The following LRP6 variants were observed in gnomAD, a reference collection of about 807,000 sequenced individuals.
The protein encoded by LRP6 is LDL receptor related protein 6, also known as low-density lipoprotein receptor-related protein 6.
In LRP6, 43 loss-of-function variants were observed where a neutral mutation model predicts 184.1. The observed-to-expected ratio is 0.23, with a 90% CI of 0.18 to 0.30. The LOEUF (loss-of-function observed/expected upper bound fraction) is 0.30. Among genes scored for constraint, LRP6 ranks in the 10% least tolerant of loss-of-function variants. LRP6 has a pLI of 1.00. For synonymous variants in LRP6, 719 were observed against 684.9 expected, an observed-to-expected ratio of 1.05 and a Z score of -0.78; for missense variants, 1,571 against 2,005.3, an observed-to-expected ratio of 0.78 and a Z score of 4.14.
At position 12,125,405 on chromosome 12, in the gene LRP6, C is replaced by T; in HGVS notation, c.4340G>A (p.Ser1447Asn). The change falls in exon 21 of 23, where the codon AGC becomes AAC. Residue 1447 changes from serine (S) to asparagine (N), a missense_variant. Physicochemically the swap from Ser to Asn is conservative, Grantham distance 46. This residue lies in a region of LRP6 where 763 missense variants were observed against 859.5 expected (regional missense o/e 0.89). Transcript: ENST00000261349. ...PGMSRGKSMI[S>N]SLSIMGGSSG... ...GCTTCCCCCCATGATACTGAGGGAG[C>T]TGATCATTGATTTACCTCGAGACAT... 2.5e-6 allele frequency: 4 copies of T among 1,613,904 alleles called. No homozygotes were observed. The highest frequency in any genetic ancestry group is 3.4e-6 in the Non-Finnish European group (4 of 1,179,942).
chr12:12,243,876 G>A (rs986960811), intron 2 of LRP6, among the ~76,000 whole-genome samples: 1 of 151,774 alleles, frequency 6.6e-6, no homozygotes, highest in African/African-American at 2.4e-5. Context: ...TCAGCCACCC[G>A]TCTAGCTAGG....
chr12:12,255,566 C>CTTTTTTT lies in LRP6; in HGVS notation c.56-10918_56-10912dup, dbSNP rs749441005. ...TTGTTTTTGCTTTTGGGTTTGGTCA[C>CTTTTTTT]TTTTTTTTTTTTTTTTTTTTTTGAG... On this transcript the variant is annotated intron_variant, in intron 1 of 22. Transcript: ENST00000261349. Among the ~76,000 whole-genome samples the CTTTTTTT allele has an allele frequency of 5.0e-4, 57 of 114,136 alleles. 1 individual carries two copies. Among genetic ancestry groups the CTTTTTTT allele is most frequent in the African/African-American group, 1.8e-3 (52 of 28,250 alleles). The allele number at this position is 114,136 out of a possible 152,430, so 74.9% of individuals were successfully genotyped here.
At chr12:12,225,475 C>T (rs1390046763) in intron 2 of LRP6, among the ~76,000 whole-genome samples, 2 of 152,028 alleles carry the variant, frequency 1.3e-5, no homozygotes, top group African/African-American at 2.4e-5. Context: ...ACCTAAATTG[C>T]GATTGATGAC....
At chr12:12,151,213 C>A (rs777895268) in intron 12 of LRP6, among the ~76,000 whole-genome samples, 175 bp from the exon 13 acceptor site, 16 of 152,166 alleles carry the variant, frequency 1.1e-4, no homozygotes, top group Non-Finnish European at 1.9e-4. Flanking sequence ...CAGAGTAACA[C>A]TAATCAGCTC....
chr12:12,218,596 T>C (rs1864409178), intron 2 of LRP6, among the ~76,000 whole-genome samples: 1 of 151,726 alleles, frequency 6.6e-6, no homozygotes, highest in Non-Finnish European at 1.5e-5. Flanking sequence ...TCAACATCAG[T>C]CAGTAAGGAA....
At chr12:12,216,427 C>T (rs1864345720) in intron 2 of LRP6, among the ~76,000 whole-genome samples, 1 of 151,830 alleles carries the variant, frequency 6.6e-6, no homozygotes, top group Non-Finnish European at 1.5e-5. Flanking sequence ...GGCCTGAAAA[C>T]AATGTAAATA....
At chr12:12,258,624 G>C (rs1288643306) in intron 1 of LRP6, among the ~76,000 whole-genome samples, 1 of 152,200 alleles carries the variant, frequency 6.6e-6, no homozygotes, top group Non-Finnish European at 1.5e-5. Context: ...TCATCAAAGA[G>C]CTATTTCTGC....
chr12:12,251,055 C>T (rs556731316), intron 1 of LRP6, among the ~76,000 whole-genome samples: 8 of 152,118 alleles, frequency 5.3e-5, no homozygotes, highest in African/African-American at 1.4e-4. Context: ...CTCAGCCTCC[C>T]TCGTAGGTGG....
intron 12 of LRP6, among the ~76,000 whole-genome samples, chr12:12,154,318 A>G (rs1306898968): frequency 6.6e-6 from 1 of 152,048 alleles, no homozygotes; most frequent in Non-Finnish European, 1.5e-5. Context: ...CATAAATGTC[A>G]TTTTTTCAGT....
chr12:12,166,363 T>C (rs1240213592), intron 7 of LRP6, among the ~76,000 whole-genome samples: 1 of 152,192 alleles, frequency 6.6e-6, no homozygotes, highest in African/African-American at 2.4e-5. Context: ...AAAGGTCATA[T>C]ACTTAACAGT....
chr12:12,249,690 AG>A lies in LRP6; in HGVS notation c.56-5036del, dbSNP rs1213694307. Among the ~76,000 whole-genome samples the A allele has an allele frequency of 2.7e-4, 20 of 72,844 alleles. 1 individual carries two copies. The South Asian group carries it at 0.015, about 56-fold the overall frequency. 47.8% of individuals were successfully genotyped at this position (72,844 alleles called of 152,430 possible). On this transcript the variant is annotated intron_variant, in intron 1 of 22. Coordinates refer to ENST00000261349, the MANE Select transcript of LRP6 (RefSeq NM_002336.3). ...TATAACAGAAGGAAGGAAGGAAGGA[AG>A]GAAGGAAGGAAGGAAGGAAGGAAGG...
chr12:12,209,816 C>T (rs1591950145), intron 2 of LRP6, among the ~76,000 whole-genome samples: 1 of 152,200 alleles, frequency 6.6e-6, no homozygotes, highest in African/African-American at 2.4e-5. Flanking sequence ...AAAACTATTG[C>T]CCTTACGAAA....
At chr12:12,260,639 C>G (rs554017144) in intron 1 of LRP6, among the ~76,000 whole-genome samples, 8 of 152,212 alleles carry the variant, frequency 5.3e-5, no homozygotes, top group African/African-American at 1.7e-4. Context: ...ACCATTTATT[C>G]AATGTCTACT....
chr12:12,216,414 G>A (rs915261903), intron 2 of LRP6, among the ~76,000 whole-genome samples: 2 of 152,092 alleles, frequency 1.3e-5, no homozygotes, highest in African/African-American at 4.8e-5. Flanking sequence ...TGAAAAATAT[G>A]AGGGCCTGAA....
intron 9 of LRP6, among the ~76,000 whole-genome samples, chr12:12,163,916 G>A (rs910444980): frequency 6.6e-6 from 1 of 152,116 alleles, no homozygotes; most frequent in African/African-American, 2.4e-5. Flanking sequence ...GGCGGATCAC[G>A]AGGTCAAGAG....
rs1565587923 is a variant in LRP6 at position 12,165,311 on chromosome 12, C to T, written c.1546-16G>A. ...TATTCATAACCTTCAGGTTTAAATT[C>T]AAAAGAGAAGGGGATGAATTATGCA... On this transcript the variant is annotated splice_polypyrimidine_tract_variant and intron_variant, in intron 7 of 22. Coordinates refer to ENST00000261349, the MANE Select transcript of LRP6 (RefSeq NM_002336.3). 1 of 1,553,624 alleles carries T rather than the reference C, an allele frequency of 6.4e-7. No homozygotes were observed. Among genetic ancestry groups the T allele is most frequent in the East Asian group, 2.2e-5 (1 of 44,586 alleles).
At chr12:12,177,512 A>G (rs1863222089) in intron 7 of LRP6, among the ~76,000 whole-genome samples, 2 of 152,092 alleles carry the variant, frequency 1.3e-5, no homozygotes, top group Admixed American at 1.3e-4. Context: ...AAAACCCCAG[A>G]TTTTCTCCCC....
chr12:12,261,898 C>T (rs915152342), intron 1 of LRP6, among the ~76,000 whole-genome samples: 1 of 151,974 alleles, frequency 6.6e-6, no homozygotes, highest in African/African-American at 2.4e-5. Context: ...TACCAGCCCA[C>T]CAAAACAAAA....
At chr12:12,155,285 G>A in intron 12 of LRP6, 1 of 751,452 alleles carries the variant, frequency 1.3e-6, no homozygotes, top group East Asian at 2.5e-5. Flanking sequence ...AGGGAAAGAG[G>A]AGAGGCACCC....
Sources: allele counts gnomAD v4.1 joint callset (sites outside exome capture counted in the v4.1 genomes callset), GRCh38; gene constraint gnomAD v4.1.1; regional missense constraint gnomAD v4.1.1; transcripts MANE v1.5; gene names NCBI Gene and HGNC (gene_info 2026-07-23, HGNC 2026-07-21).